The following TRIO variants were observed in gnomAD, a reference collection of about 807,000 sequenced individuals.
TRIO encodes trio Rho guanine nucleotide exchange factor, also known as triple functional domain protein.
A neutral mutation model predicts 351.9 loss-of-function variants in TRIO; 58 were observed. The observed-to-expected ratio is 0.16, with a 90% CI of 0.13 to 0.21. TRIO has a LOEUF of 0.21. Among genes scored for constraint, TRIO ranks in the 10% least tolerant of loss-of-function variants. The pLI is 1.00. For missense variants in TRIO, 3,201 were observed against 4,027.8 expected, an observed-to-expected ratio of 0.79 and a Z score of 5.56; for synonymous variants, 1,758 against 1,595.7, an observed-to-expected ratio of 1.10 and a Z score of -2.42.
chr5:14,171,974 C>T (rs969479972), intron 1 of TRIO, among the ~76,000 whole-genome samples: 3 of 152,176 alleles, frequency 2.0e-5, no homozygotes, highest in Non-Finnish European at 4.4e-5. Context: ...TAATCCCATT[C>T]CTCTTATGTT....
intron 34 of TRIO, 40 bp from the exon 35 acceptor site, chr5:14,460,979 T>A (rs1753742217): frequency 2.0e-6 from 3 of 1,491,612 alleles, no homozygotes; most frequent in Non-Finnish European, 2.7e-6. Flanking sequence ...CCGGAGGGTC[T>A]GTGCGAGTCA....
At chr5:14,294,496 A>G (rs1244422293) in intron 6 of TRIO, among the ~76,000 whole-genome samples, 2 of 152,224 alleles carry the variant, frequency 1.3e-5, no homozygotes, top group Non-Finnish European at 2.9e-5. Context: ...TCAGTCTGCT[A>G]TGCCACATAC....
intron 12 of TRIO, among the ~76,000 whole-genome samples, chr5:14,358,560 A>G (rs970164826): frequency 5.3e-5 from 8 of 152,330 alleles, no homozygotes; most frequent in African/African-American, 1.7e-4. Context: ...TTAACTTCAT[A>G]ATAGTTTTCA....
intron 34 of TRIO, among the ~76,000 whole-genome samples, chr5:14,459,321 G>A (rs1390345023): frequency 6.6e-6 from 1 of 152,198 alleles, no homozygotes; most frequent in Non-Finnish European, 1.5e-5. Context: ...AGCCCCTACA[G>A]GTATCTGTGC....
chr5:14,488,460 C>T (rs1456712663), intron 48 of TRIO, 200 bp downstream of exon 48: 2 of 709,098 alleles, frequency 2.8e-6, no homozygotes, highest in Non-Finnish European at 4.5e-6. Flanking sequence ...TTCGTGTCTT[C>T]TAATAAGAGC....
At chr5:14,231,574 T>A (rs1172849546) in intron 1 of TRIO, among the ~76,000 whole-genome samples, 1 of 152,232 alleles carries the variant, frequency 6.6e-6, no homozygotes, top group Non-Finnish European at 1.5e-5. Context: ...CGTTCATTGC[T>A]AGGGGCTGCC....
chr5:14,487,690 C>G lies in TRIO; in HGVS notation c.7062C>G (p.Ser2354=). ...GACACCACCCCCCCGTGCTGGTCTC[C>G]TCTGCAGCCTCGAGCCAGGCAGAGG... The part of the protein sequence containing the change: ...PVRHHPPVLV[S]SAASSQAEAD... The change falls in exon 48 of 57, where the codon TCC becomes TCG. Residue 2354 remains serine, a synonymous_variant. Coordinates refer to ENST00000344204, the MANE Select transcript of TRIO (RefSeq NM_007118.4). 1 of 1,435,998 alleles carries G rather than the reference C, an allele frequency of 7.0e-7. No homozygotes were observed. Among genetic ancestry groups the G allele is most frequent in the South Asian group, 1.4e-5 (1 of 70,618 alleles). 89.0% of individuals were successfully genotyped at this position (1,435,998 alleles called of 1,614,324 possible). A position where few individuals can be genotyped will look rare whatever the true frequency, so the allele number is the denominator to read the frequency against.
chr5:14,405,613 A>G (rs555079133), intron 31 of TRIO, among the ~76,000 whole-genome samples: 2 of 152,358 alleles, frequency 1.3e-5, no homozygotes, highest in Admixed American at 6.5e-5. Flanking sequence ...GATTATTGCA[A>G]TAGTCAGAGA....
At chr5:14,227,771 C>G (rs1793142478) in intron 1 of TRIO, among the ~76,000 whole-genome samples, 1 of 152,100 alleles carries the variant, frequency 6.6e-6, no homozygotes, top group Non-Finnish European at 1.5e-5. Flanking sequence ...AGGTTGTTTA[C>G]TAATTTAGAT....
At chr5:14,331,590 G>A (rs772215604) in intron 10 of TRIO, among the ~76,000 whole-genome samples, 2 of 152,148 alleles carry the variant, frequency 1.3e-5, no homozygotes, top group Admixed American at 1.3e-4. Flanking sequence ...TTCTGAGAAG[G>A]AGGAACCCAA....
At chr5:14,306,326 A>G (rs1738365974) in intron 8 of TRIO, among the ~76,000 whole-genome samples, 1 of 152,230 alleles carries the variant, frequency 6.6e-6, no homozygotes, top group Non-Finnish European at 1.5e-5. Flanking sequence ...AGTCTGTTAG[A>G]AACTATTTAA....
intron 11 of TRIO, among the ~76,000 whole-genome samples, chr5:14,350,211 G>A (rs951012069): frequency 5.3e-5 from 8 of 152,166 alleles, no homozygotes; most frequent in Admixed American, 3.9e-4. Flanking sequence ...GAGAACATGG[G>A]CACGATCTGC....
At chr5:14,358,107 T>A in intron 11 of TRIO, 71 bp from the exon 12 acceptor site, 1 of 1,526,154 alleles carries the variant, frequency 6.6e-7, no homozygotes. Flanking sequence ...CTGGGGCCCC[T>A]TGGACACCGG....
At chr5:14,467,828 G>A (rs765228158) in intron 37 of TRIO, among the ~76,000 whole-genome samples, 1 of 152,032 alleles carries the variant, frequency 6.6e-6, no homozygotes, top group Middle Eastern at 3.2e-3. Flanking sequence ...ATAAAAAAAG[G>A]AGCTTGGAAC....
chr5:14,222,069 G>A (rs895675159), intron 1 of TRIO, among the ~76,000 whole-genome samples: 9 of 151,650 alleles, frequency 5.9e-5, no homozygotes, highest in Non-Finnish European at 1.2e-4. Context: ...CATCCACATC[G>A]CGGCAAGACC....
chr5:14,333,471 G>A (rs1459192427), intron 10 of TRIO, among the ~76,000 whole-genome samples: 1 of 152,038 alleles, frequency 6.6e-6, no homozygotes, highest in African/African-American at 2.4e-5. Flanking sequence ...AGATGTCCTG[G>A]CCCATCATTC....
chr5:14,331,071 A>T (rs1011331647), intron 10 of TRIO, among the ~76,000 whole-genome samples, 171 bp downstream of exon 10: 1 of 152,276 alleles, frequency 6.6e-6, no homozygotes, highest in South Asian at 2.1e-4. Context: ...AGGCAGAAAC[A>T]TGATTTGGTA....
chr5:14,333,047 G>A (rs191312314), intron 10 of TRIO, among the ~76,000 whole-genome samples: 5 of 152,308 alleles, frequency 3.3e-5, no homozygotes, highest in Non-Finnish European at 1.5e-5. Flanking sequence ...GCCAGAGGCT[G>A]TATTTGGAAT....
At chr5:14,458,041 C>CTTT (rs150710417) in intron 34 of TRIO, among the ~76,000 whole-genome samples, 1 of 137,826 alleles carries the variant, frequency 7.3e-6, no homozygotes, top group Admixed American at 7.3e-5. Context: ...GGGCCTGGGT[C>CTTT]TTTTTTTTTT....
Sources: allele counts gnomAD v4.1 joint callset (sites outside exome capture counted in the v4.1 genomes callset), GRCh38; gene constraint gnomAD v4.1.1; transcripts MANE v1.5; gene names NCBI Gene and HGNC (gene_info 2026-07-23, HGNC 2026-07-21).